PTPRD: variants seen among roughly 807,000 people sequenced by gnomAD.
The protein encoded by PTPRD is receptor-type tyrosine-protein phosphatase delta.
A neutral mutation model predicts 214.5 loss-of-function variants in PTPRD; 34 were observed. The ratio of observed to expected loss-of-function variants is 0.16; its 90% CI spans 0.12 to 0.21. PTPRD has a LOEUF of 0.21. Among genes scored for constraint, PTPRD ranks in the 10% least tolerant of loss-of-function variants. PTPRD has a pLI of 1.00. For synonymous variants in PTPRD, 1,128 were observed against 845.7 expected (o/e 1.33, Z -5.79); for missense variants, 2,545 against 2,398.7 (o/e 1.06, Z -1.27).
chr9:9,900,641 G>GTTTTTTTTTTT (rs1555302230), intron 5 of PTPRD, among the ~76,000 whole-genome samples: 5 of 120,108 alleles, frequency 4.2e-5, no homozygotes, highest in African/African-American at 1.6e-4. Flanking sequence ...ACATTTTCAG[G>GTTTTTTTTTTT]TTTTTTTTTT....
In PTPRD at chr9:8,314,270, G is replaced by T; in HGVS notation, c.*3604C>A. The T allele has an allele frequency of 4.7e-6, 1 of 214,476 alleles. No homozygotes were observed. The allele number at this position is 214,476 out of a possible 1,614,324, so 13.3% of individuals were successfully genotyped here. On this transcript the variant is annotated 3_prime_UTR_variant, in exon 46 of 46. Transcript: ENST00000381196. Reference sequence around the variant, plus strand: ...CTGCATAACACTGACATTTTTATTAGAATTCATTTGTAACAAATGGAACTT... The same window carrying T: ...CTGCATAACACTGACATTTTTATTATAATTCATTTGTAACAAATGGAACTT...
chr9:9,372,219 A>G (rs1279046837), intron 9 of PTPRD, among the ~76,000 whole-genome samples: 1 of 152,070 alleles, frequency 6.6e-6, no homozygotes, highest in Non-Finnish European at 1.5e-5. Flanking sequence ...GGGGTGTTAA[A>G]GTCTCCCATT....
chr9:10,076,659 T>A (rs1234405486), intron 3 of PTPRD, among the ~76,000 whole-genome samples: 1 of 152,094 alleles, frequency 6.6e-6, no homozygotes, highest in Non-Finnish European at 1.5e-5. Context: ...GAAGTGACCA[T>A]CATGTACTCA....
At chr9:10,268,318 A>AATAATAATG (rs772093786) in intron 3 of PTPRD, among the ~76,000 whole-genome samples, 1 of 134,310 alleles carries the variant, frequency 7.4e-6, no homozygotes, top group Non-Finnish European at 1.6e-5. Flanking sequence ...TAATAATAAT[A>AATAATAATG]ACGATAATAA....
At chr9:10,501,052 C>G (rs538113877) in intron 2 of PTPRD, among the ~76,000 whole-genome samples, 12 of 152,022 alleles carry the variant, frequency 7.9e-5, no homozygotes, top group African/African-American at 2.9e-4. Context: ...GGGGTATATG[C>G]CCAGCAGTGG....
At chr9:9,102,968 T>C (rs575618842) in intron 10 of PTPRD, among the ~76,000 whole-genome samples, 4 of 152,240 alleles carry the variant, frequency 2.6e-5, no homozygotes, top group Admixed American at 2.0e-4. Context: ...TTTATTTGTG[T>C]CTTTGGTCAG....
chr9:9,897,387 A>AT (rs1394429410), intron 5 of PTPRD, among the ~76,000 whole-genome samples: 3 of 152,120 alleles, frequency 2.0e-5, no homozygotes, highest in African/African-American at 7.2e-5. Context: ...AAAGAAAAAT[A>AT]TTTATTAGGA....
intron 8 of PTPRD, among the ~76,000 whole-genome samples, chr9:9,533,185 A>T (rs939149428): frequency 1.3e-5 from 2 of 152,062 alleles, no homozygotes; most frequent in Non-Finnish European, 2.9e-5. Context: ...TGTTTTCTTC[A>T]TTTCTTTAGC....
rs139082371 is a variant in PTPRD, at chr9:9,562,622, C to T, written c.-237+12110G>A. Among the ~76,000 whole-genome samples, 326 of 152,226 alleles carry T rather than the reference C, an allele frequency of 2.1e-3. 1 individual carries two copies. The highest frequency in any genetic ancestry group is 7.1e-3 in the African/African-American group (294 of 41,568). ...TCCTCTTTGCTATTTTTCAAGCCTCCTTTCAGCCTTTGCCTTTACAATTAG... is the reference window on the plus strand; with the variant it reads ...TCCTCTTTGCTATTTTTCAAGCCTCTTTTCAGCCTTTGCCTTTACAATTAG... On this transcript the variant is annotated intron_variant, in intron 8 of 45. Transcript: ENST00000381196.
At chr9:10,482,531 C>T (rs1290042227) in intron 2 of PTPRD, among the ~76,000 whole-genome samples, 2 of 151,628 alleles carry the variant, frequency 1.3e-5, no homozygotes, top group Non-Finnish European at 2.9e-5. Context: ...CCCTAAAAGA[C>T]CCCTCCAAAA....
intron 2 of PTPRD, among the ~76,000 whole-genome samples, chr9:10,591,331 G>A (rs1323852102): frequency 6.6e-6 from 1 of 152,064 alleles, no homozygotes; most frequent in East Asian, 1.9e-4. Context: ...TATTTTGTGT[G>A]ACTGTAAAAA....
At chr9:8,724,418 A>T (rs866455738) in intron 12 of PTPRD, among the ~76,000 whole-genome samples, 11 of 152,192 alleles carry the variant, frequency 7.2e-5, no homozygotes, top group Non-Finnish European at 1.3e-4. Context: ...CCCTTGTACC[A>T]CATCTACTCC....
chr9:9,539,792 G>T (rs977258627), intron 8 of PTPRD, among the ~76,000 whole-genome samples: 2 of 151,830 alleles, frequency 1.3e-5, no homozygotes, highest in African/African-American at 4.8e-5. Flanking sequence ...TATAGGAAAA[G>T]CATTTCCAGT....
intron 11 of PTPRD, among the ~76,000 whole-genome samples, chr9:8,771,735 G>A (rs563528219): frequency 4.6e-4 from 70 of 151,692 alleles, no homozygotes; most frequent in Non-Finnish European, 8.4e-4. Flanking sequence ...TTGCATGCAC[G>A]TATACATATG....
intron 12 of PTPRD, among the ~76,000 whole-genome samples, chr9:8,681,380 A>G (rs1349717111): frequency 2.6e-5 from 4 of 152,240 alleles, no homozygotes; most frequent in African/African-American, 9.6e-5. Flanking sequence ...AAGAGAGGGC[A>G]TAGATGCAGT....
At chr9:9,676,303 T>A (rs902446148) in intron 7 of PTPRD, among the ~76,000 whole-genome samples, 4 of 108,856 alleles carry the variant, frequency 3.7e-5, no homozygotes, top group Admixed American at 1.4e-4. Context: ...CAGGCCCCAG[T>A]GTGTGATGTT....
chr9:8,385,197 C>T (rs1021920135), intron 37 of PTPRD, among the ~76,000 whole-genome samples: 5 of 152,144 alleles, frequency 3.3e-5, no homozygotes, highest in Admixed American at 2.0e-4. Context: ...TTAATACAAG[C>T]GCTGTTGATA....
intron 3 of PTPRD, among the ~76,000 whole-genome samples, chr9:10,308,713 G>A (rs1006503792): frequency 1.3e-5 from 2 of 151,872 alleles, no homozygotes; most frequent in African/African-American, 2.4e-5. Context: ...CTTTTCATTT[G>A]TAATCTTTCC....
chr9:8,437,976 T>C (rs538982209), intron 34 of PTPRD, among the ~76,000 whole-genome samples: 3 of 152,186 alleles, frequency 2.0e-5, no homozygotes, highest in African/African-American at 7.2e-5. Context: ...CTGACTCTTA[T>C]CTTACAGATA....
Sources: gnomAD v4.1 joint callset for allele counts (sites outside exome capture counted in the v4.1 genomes callset) on GRCh38, gnomAD v4.1.1 for gene constraint, MANE v1.5 for transcripts, NCBI Gene and HGNC (gene_info 2026-07-23, HGNC 2026-07-21) for gene names.